The following AFDN variants were observed in gnomAD, a reference collection of about 807,000 sequenced individuals.
AFDN encodes the protein afadin.
In AFDN, 68 loss-of-function variants were observed where a neutral mutation model predicts 216.6. That is an observed-to-expected ratio of 0.31 (90% CI 0.26 to 0.38). The LOEUF (loss-of-function observed/expected upper bound fraction) is 0.38, where lower values mean the gene tolerates loss of function less well. Ranked by LOEUF, AFDN falls within the 10% of genes least tolerant of loss-of-function variation. The pLI is 1.00. For missense variants in AFDN, 2,136 were observed against 2,342.0 expected, an observed-to-expected ratio of 0.91 and a Z score of 1.82; for synonymous variants, 868 against 853.7, an observed-to-expected ratio of 1.02 and a Z score of -0.29.
At chr6:167,943,374 C>G in intron 24 of AFDN, 28 bp from the exon 25 acceptor site, 1 of 1,605,088 alleles carries the variant, frequency 6.2e-7, no homozygotes, top group South Asian at 1.1e-5. Flanking sequence ...TACCCCTAAT[C>G]CATGCACACA....
At chr6:167,943,563 T>C in intron 25 of AFDN, 88 bp downstream of exon 25, 1 of 998,740 alleles carries the variant, frequency 1.0e-6, no homozygotes, top group Non-Finnish European at 1.6e-6. Flanking sequence ...ATAAAAACTA[T>C]GCTAAAACGT....
At chr6:167,916,322 G>A (rs898359686) in intron 19 of AFDN, among the ~76,000 whole-genome samples, 24 of 152,106 alleles carry the variant, frequency 1.6e-4, no homozygotes, top group African/African-American at 5.6e-4. Context: ...ATGCTGTCTC[G>A]AAAAAAGATA....
At chr6:167,865,802 T>G (rs923950323) in intron 2 of AFDN, among the ~76,000 whole-genome samples, 7 of 152,096 alleles carry the variant, frequency 4.6e-5, no homozygotes, top group Non-Finnish European at 7.4e-5. Context: ...TGAACCTTTT[T>G]TTTTTTTTTA....
intron 13 of AFDN, among the ~76,000 whole-genome samples, chr6:167,910,625 C>T (rs1312803445): frequency 6.6e-6 from 1 of 152,164 alleles, no homozygotes; most frequent in Non-Finnish European, 1.5e-5. Context: ...GGAGACTTGC[C>T]GTGGTCAGCT....
intron 12 of AFDN, among the ~76,000 whole-genome samples, chr6:167,905,107 T>C (rs919880894): frequency 1.3e-5 from 2 of 152,200 alleles, no homozygotes. Flanking sequence ...TGGCCCCTTC[T>C]TGTCTCAGAC....
intron 1 of AFDN, among the ~76,000 whole-genome samples, chr6:167,837,736 A>G (rs1490174174): frequency 6.6e-6 from 1 of 152,234 alleles, no homozygotes; most frequent in Non-Finnish European, 1.5e-5. Context: ...ATGCAAAACT[A>G]GTAAGCCACA....
At chr6:167,834,797 C>G (rs1359696063) in intron 1 of AFDN, among the ~76,000 whole-genome samples, 1 of 151,926 alleles carries the variant, frequency 6.6e-6, no homozygotes, top group East Asian at 1.9e-4. Flanking sequence ...CTGGGCAACA[C>G]AGTGAGGTCC....
intron 32 of AFDN, 67 bp from the exon 33 acceptor site, chr6:167,969,047 C>G (rs1797825395): frequency 7.7e-7 from 1 of 1,291,686 alleles, no homozygotes; most frequent in South Asian, 1.2e-5. Flanking sequence ...AGCACTGCAT[C>G]TTTATCATGA....
intron 1 of AFDN, among the ~76,000 whole-genome samples, chr6:167,855,906 T>C (rs1046573394): frequency 3.9e-5 from 6 of 152,162 alleles, no homozygotes; most frequent in Non-Finnish European, 7.4e-5. Context: ...ACCTATCCAC[T>C]GGTTCACTTT....
At chr6:167,960,319 G>A (rs1796912598) in intron 30 of AFDN, among the ~76,000 whole-genome samples, 1 of 152,310 alleles carries the variant, frequency 6.6e-6, no homozygotes, top group South Asian at 2.1e-4. Context: ...GAGGCTCCTT[G>A]CTGACCGCAT....
intron 1 of AFDN, among the ~76,000 whole-genome samples, chr6:167,861,566 C>T (rs1366931722): frequency 1.3e-5 from 2 of 152,006 alleles, no homozygotes; most frequent in Non-Finnish European, 2.9e-5. Context: ...TTGCAGTTTC[C>T]TTTTTTACAG....
At position 167,962,671 on chromosome 6, in the gene AFDN, C is replaced by G; in HGVS notation, c.4968+104C>G. On this transcript the variant is annotated intron_variant, in intron 31 of 33. Coordinates refer to ENST00000683244, the MANE Select transcript of AFDN (RefSeq NM_001386888.1). This position sits in a 1 kb window ranked among gnomAD's most constrained non-coding sequence, Gnocchi z 5.2. ...GAAGTTCTGTGTTTCTTAAGAAGCA[C>G]GAGGCAGAGCAGGGCCTGGCTCCCC... 1.9e-6 allele frequency: 3 copies of G among 1,578,122 alleles called. No individual in the cohort carries two copies. The highest frequency in any genetic ancestry group is 1.7e-6 in the Non-Finnish European group (2 of 1,160,026).
intron 1 of AFDN, among the ~76,000 whole-genome samples, chr6:167,841,183 C>A (rs145747704): frequency 6.6e-6 from 1 of 152,218 alleles, no homozygotes; most frequent in East Asian, 1.9e-4. Context: ...TAACCAGAAT[C>A]AAAAATGTCA....
rs1338917766 is a variant in AFDN at position 167,944,017 on chromosome 6, C to G, written c.3316C>G (p.Leu1106Val). 1 of 1,614,054 alleles carries G rather than the reference C, an allele frequency of 6.2e-7. No individual in the cohort carries two copies. Among genetic ancestry groups the G allele is most frequent in the Non-Finnish European group, 8.5e-7 (1 of 1,180,028 alleles). ...VAKQGAIYHGLATLLNQPSPM... is the reference protein window; with the variant it reads ...VAKQGAIYHGVATLLNQPSPM... The stretch of plus-strand genomic sequence containing the variant: ...AAAGCAGGGTGCCATCTACCACGGT[C>G]TGGCCACCCTTCTCAATCAGCCATC... Residue 1106 changes from leucine (L) to valine (V), a missense_variant, in exon 26 of 34, where the codon CTG (leucine) becomes GTG (valine). Around this residue, in one of 8 missense-constraint regions of AFDN, gnomAD observed 74 missense variants for 98.8 expected, o/e 0.75. Coordinates refer to ENST00000683244, the MANE Select transcript of AFDN (RefSeq NM_001386888.1).
At chr6:167,835,818 T>C (rs1042083006) in intron 1 of AFDN, among the ~76,000 whole-genome samples, 8 of 152,148 alleles carry the variant, frequency 5.3e-5, no homozygotes, top group Admixed American at 3.9e-4. Flanking sequence ...TCAGAGAACC[T>C]TGGGGGTTCA....
intron 23 of AFDN, among the ~76,000 whole-genome samples, chr6:167,938,657 C>A (rs1339968482): frequency 6.6e-6 from 1 of 152,070 alleles, no homozygotes; most frequent in Non-Finnish European, 1.5e-5. Context: ...ATTTCGGGTT[C>A]TTTAAATGCC....
rs1184291928 is a variant in AFDN at position 167,915,390 on chromosome 6, G to A, written c.2522G>A (p.Gly841Glu). ...ATTGAAGCCTGGGCTGAGAAGCAGG[G>A]GCTGGAACTGGCTGCGGACTGTCAT... ...GHIEAWAEKQ[G>E]LELAADCHLS... Residue 841 changes from glycine to glutamate, a missense_variant, in exon 19 of 34, where the codon GGG (glycine) becomes GAG (glutamate). This residue lies in a region of AFDN where 5 missense variants were observed against 23.4 expected (regional missense o/e 0.21). Transcript: ENST00000683244. 1 of 1,614,068 alleles carries A rather than the reference G, an allele frequency of 6.2e-7. No individual in the cohort carries two copies. Among genetic ancestry groups the A allele is most frequent in the Non-Finnish European group, 8.5e-7 (1 of 1,180,042 alleles).
intron 23 of AFDN, among the ~76,000 whole-genome samples, chr6:167,931,117 A>G (rs1793243263): frequency 6.6e-6 from 1 of 152,202 alleles, no homozygotes; most frequent in Non-Finnish European, 1.5e-5. Flanking sequence ...AAAGGTTGAC[A>G]GTTTCTGGTT....
intron 11 of AFDN, among the ~76,000 whole-genome samples, chr6:167,899,324 C>G (rs1239797396): frequency 6.6e-6 from 1 of 152,178 alleles, no homozygotes; most frequent in Non-Finnish European, 1.5e-5. Flanking sequence ...CCTTGCACCC[C>G]AAGTGTCAGC....
Sources: gnomAD v4.1 joint callset for allele counts (sites outside exome capture counted in the v4.1 genomes callset) on GRCh38, gnomAD v4.1.1 for gene constraint, gnomAD v4.1.1 regional missense constraint, Gnocchi (gnomAD v3.1) non-coding constraint, MANE v1.5 for transcripts, NCBI Gene and HGNC (gene_info 2026-07-23, HGNC 2026-07-21) for gene names.